The following CIBAR2 variants were observed in gnomAD, a reference collection of about 807,000 sequenced individuals.
CIBAR2 encodes the protein CBY1 interacting BAR domain containing 2.
Under a neutral mutation model 36.2 loss-of-function variants are expected in CIBAR2, and 38 were observed. The observed-to-expected ratio is 1.05, with a 90% CI of 0.81 to 1.38. The LOEUF (loss-of-function observed/expected upper bound fraction) is 1.38, where lower values mean the gene tolerates loss of function less well. CIBAR2 is among the 40% of genes most tolerant of loss of function. The probability of loss-of-function intolerance (pLI) is 0.00; values close to 1 mark genes in which losing one functional copy is unlikely to be tolerated. For synonymous variants in CIBAR2, 182 were observed against 149.5 expected, an observed-to-expected ratio of 1.22 and a Z score of -1.58; for missense variants, 481 against 383.4, an observed-to-expected ratio of 1.25 and a Z score of -2.13.
chr16:85,107,742 C>T, intron 4 of CIBAR2, 70 bp from the exon 5 acceptor site: 1 of 1,598,348 alleles, frequency 6.3e-7, no homozygotes, highest in Non-Finnish European at 8.6e-7. Flanking sequence ...GCCCCCTTCA[C>T]AGCCCCTGCC....
chr16:85,110,941 G>A (rs2074037928), intron 1 of CIBAR2, among the ~76,000 whole-genome samples: 1 of 152,000 alleles, frequency 6.6e-6, no homozygotes, highest in African/African-American at 2.4e-5. Context: ...CTGACCTCAG[G>A]TGATCTGCCT....
chr16:85,100,481 C>T (rs1428226097), intron 7 of CIBAR2, among the ~76,000 whole-genome samples: 5 of 152,168 alleles, frequency 3.3e-5, no homozygotes, highest in African/African-American at 1.2e-4. Context: ...GTAACATGAC[C>T]ATCGTCACAC....
In CIBAR2 at chr16:85,098,757, C is replaced by A. The variant is rs984553332; in HGVS notation, c.*428G>T. Reference sequence around the variant, plus strand: ...AGCAACAAGTCTCAAGTGTTTGTTGCGCAACAGGCCGGGTTTTCTGTGCTT... The same window carrying A: ...AGCAACAAGTCTCAAGTGTTTGTTGAGCAACAGGCCGGGTTTTCTGTGCTT... On this transcript the variant is annotated 3_prime_UTR_variant, in exon 9 of 9. Transcript: ENST00000539556. 1 of 492,492 alleles carries A rather than the reference C, an allele frequency of 2.0e-6. No individual in the cohort carries two copies. Among genetic ancestry groups the A allele is most frequent in the Non-Finnish European group, 2.6e-6 (1 of 379,406 alleles). The allele number at this position is 492,492 out of a possible 1,614,324, so 30.5% of individuals were successfully genotyped here. A position where few individuals can be genotyped will look rare whatever the true frequency, so the allele number is the denominator to read the frequency against.
chr16:85,110,584 A>G, intron 1 of CIBAR2, 124 bp from the exon 2 acceptor site: 4 of 648,452 alleles, frequency 6.2e-6, no homozygotes, highest in Non-Finnish European at 7.7e-6. Context: ...TGGCACGCAC[A>G]TGCCACAGGC....
Position 85,098,709 on chromosome 16 carries a change from G to A in CIBAR2, c.*476C>T. ...AAATAATAATAATAATAAAACGACA[G>A]CAACATCAGTAATGATAATGGCAGC... On this transcript the variant is annotated 3_prime_UTR_variant, in exon 9 of 9. Transcript: ENST00000539556. The A allele has an allele frequency of 1.2e-6, 1 of 836,154 alleles. No homozygotes were observed. Among genetic ancestry groups the A allele is most frequent in the Non-Finnish European group, 1.4e-6 (1 of 693,522 alleles). 51.8% of individuals were successfully genotyped at this position (836,154 alleles called of 1,614,324 possible).
intron 7 of CIBAR2, among the ~76,000 whole-genome samples, chr16:85,101,449 G>A (rs1256666629): frequency 3.3e-5 from 5 of 152,008 alleles, no homozygotes; most frequent in East Asian, 3.9e-4. Context: ...AACTGCCCAC[G>A]TGAGCCCCAT....
Position 85,099,178 on chromosome 16 carries a change from T to C in CIBAR2, c.*7A>G, listed in dbSNP as rs940887746. The C allele has an allele frequency of 5.8e-6, 9 of 1,554,514 alleles. No individual in the cohort carries two copies. Among genetic ancestry groups the C allele is most frequent in the African/African-American group, 2.8e-5 (2 of 72,356 alleles). ...AAACGGCTTGGGATTGCACTTACCCTACGTCGTTAGAGAGAATGTCCTGGA... is the reference window on the plus strand; with the variant it reads ...AAACGGCTTGGGATTGCACTTACCCCACGTCGTTAGAGAGAATGTCCTGGA... On this transcript the variant is annotated 3_prime_UTR_variant, in exon 9 of 9. Transcript: ENST00000539556.
chr16:85,112,391 A>T lies in CIBAR2; in HGVS notation c.-39T>A. The stretch of plus-strand genomic sequence containing the variant: ...TTGGCTGTCCCGGTGCTGGGGAATA[A>T]GGACAGGGCCCCAGGGGTCCTGCAG... On this transcript the variant is annotated 5_prime_UTR_variant, in exon 1 of 9. Transcript: ENST00000539556. The T allele has an allele frequency of 6.2e-7, 1 of 1,609,044 alleles. No homozygotes were observed. Among genetic ancestry groups the T allele is most frequent in the Non-Finnish European group, 8.5e-7 (1 of 1,175,530 alleles).
chr16:85,100,068 G>T, intron 8 of CIBAR2, 71 bp downstream of exon 8: 1 of 1,200,682 alleles, frequency 8.3e-7, no homozygotes, highest in Admixed American at 2.1e-5. Flanking sequence ...AATCCCTGGG[G>T]TTACTACCAC....
At chr16:85,103,118 G>A (rs1423295795) in intron 6 of CIBAR2, among the ~76,000 whole-genome samples, 4 of 152,138 alleles carry the variant, frequency 2.6e-5, no homozygotes, top group Non-Finnish European at 5.9e-5. Context: ...GGCCAGGATG[G>A]TCTCGAACTC....
rs751901973 is a variant in CIBAR2 at position 85,105,392 on chromosome 16, G to C, written c.472C>G (p.Arg158Gly). 1 of 1,613,674 alleles carries C rather than the reference G, an allele frequency of 6.2e-7. No homozygotes were observed. The highest frequency in any genetic ancestry group is 8.5e-7 in the Non-Finnish European group (1 of 1,179,954). ...RVQRAAVDSSRTTLQLEETVD... is the reference protein window; with the variant it reads ...RVQRAAVDSSGTTLQLEETVD... ...GTCTCCTCCAGCTGGAGGGTGGTGC[G>C]GCTGGAGTCCACAGCGGCCCTCTGC... The change falls in exon 6 of 9, where the codon CGC becomes GGC. Residue 158 changes from arginine (R) to glycine (G), a missense_variant. Coordinates refer to ENST00000539556, the MANE Select transcript of CIBAR2 (RefSeq NM_198491.3).
chr16:85,100,362 A>G, intron 7 of CIBAR2, 122 bp from the exon 8 acceptor site: 1 of 615,736 alleles, frequency 1.6e-6, no homozygotes. Context: ...ATGGAACTCC[A>G]CGGTCCTCTC....
intron 5 of CIBAR2, 70 bp downstream of exon 5, chr16:85,107,597 G>A: frequency 6.5e-7 from 1 of 1,543,068 alleles, no homozygotes. Context: ...AAGTCTACCT[G>A]GCCGTTTTGT....
rs542579891 is a variant in CIBAR2, at chr16:85,112,443, G to A, written c.-91C>T. 7.1e-5 allele frequency: 92 copies of A among 1,298,068 alleles called. No individual in the cohort carries two copies. In the South Asian group the frequency reaches 1.0e-3, roughly 15 times the overall value. The allele number at this position is 1,298,068 out of a possible 1,614,324, so 80.4% of individuals were successfully genotyped here. ...CCTGGGAGGAGCCGGGCAGGGCTGG[G>A]TGCAGCTGTGTGGCCTGGGCTCAAG... On this transcript the variant is annotated 5_prime_UTR_variant, in exon 1 of 9. Coordinates refer to ENST00000539556, the MANE Select transcript of CIBAR2 (RefSeq NM_198491.3).
rs376227010 is a variant in CIBAR2, at chr16:85,107,719, G to A, written c.427-47C>T. On this transcript the variant is annotated intron_variant, in intron 4 of 8. Transcript: ENST00000539556. ...AACCAAGTTAAGCCCAGGCAGCCCC[G>A]TTGGGGTGGTCCGCCCCCTTCACAG... The A allele has an allele frequency of 3.5e-5, 57 of 1,612,252 alleles. No homozygotes were observed. The Middle Eastern group carries it at 4.9e-4, about 14-fold the overall frequency.
At chr16:85,100,585 C>CTG (rs35041219) in intron 7 of CIBAR2, among the ~76,000 whole-genome samples, 1 of 27,624 alleles carries the variant, frequency 3.6e-5, no homozygotes, top group East Asian at 3.6e-4. Context: ...TGCATCAAAC[C>CTG]TCATGGTAGT....
intron 7 of CIBAR2, among the ~76,000 whole-genome samples, chr16:85,101,709 G>A (rs1333935725): frequency 1.3e-5 from 2 of 149,460 alleles, no homozygotes; most frequent in Non-Finnish European, 3.0e-5. Context: ...TCGCTCTGTC[G>A]CCCAGGCTGG....
At chr16:85,100,371 T>C (rs960641173) in intron 7 of CIBAR2, 131 bp from the exon 8 acceptor site, 1 of 567,704 alleles carries the variant, frequency 1.8e-6, no homozygotes. Context: ...CACGGTCCTC[T>C]CCAGGAGCTT....
intron 6 of CIBAR2, among the ~76,000 whole-genome samples, chr16:85,104,723 T>A (rs1008314967): frequency 3.3e-5 from 5 of 151,878 alleles, no homozygotes; most frequent in East Asian, 3.9e-4. Context: ...CTAAAAAAAA[T>A]AAAATAAAAT....
Sources: gnomAD v4.1 joint callset for allele counts (sites outside exome capture counted in the v4.1 genomes callset) on GRCh38, gnomAD v4.1.1 for gene constraint, MANE v1.5 for transcripts, NCBI Gene and HGNC (gene_info 2026-07-23, HGNC 2026-07-21) for gene names.